SLC13A4: variants seen among roughly 807,000 people sequenced by gnomAD.
SLC13A4 encodes Na(+)/sulfate cotransporter SUT-1.
A neutral mutation model predicts 72.7 loss-of-function variants in SLC13A4; 28 were observed. The observed-to-expected ratio is 0.39, with a 90% CI of 0.29 to 0.53. SLC13A4 has a LOEUF of 0.53. Among genes scored for constraint, SLC13A4 ranks in the 20% least tolerant of loss-of-function variants. The pLI, the probability that SLC13A4 is intolerant of heterozygous loss-of-function variation, is 0.78. For synonymous variants in SLC13A4, 312 were observed against 325.5 expected, an observed-to-expected ratio of 0.96 and a Z score of 0.45; for missense variants, 653 against 788.0, an observed-to-expected ratio of 0.83 and a Z score of 2.05.
chr7:135,683,887 C>G, intron 15 of SLC13A4: 1 of 733,330 alleles, frequency 1.4e-6, no homozygotes, highest in Non-Finnish European at 1.7e-6. Context: ...CCAGCTTTCT[C>G]TACCTAGGTA....
rs148680605 is a variant in SLC13A4, at chr7:135,691,634, C to T, written c.1235G>A (p.Arg412His). 38 of 1,612,014 alleles carry T rather than the reference C, an allele frequency of 2.4e-5. No homozygotes were observed. The highest frequency in any genetic ancestry group is 1.8e-4 in the East Asian group (8 of 44,876). Residue 412 changes from arginine to histidine, a missense_variant, in exon 12 of 16, where the codon CGT (arginine) becomes CAT (histidine). Transcript: ENST00000682651. The part of the protein sequence containing the change: ...WDSFFEKKGY[R>H]TDATVSVFLG... ...GAAGACAGAGACTGTGGCATCAGTA[C>T]GGTAGCCTTTCCTAGTAAAGAGACA...
intron 7 of SLC13A4, among the ~76,000 whole-genome samples, chr7:135,699,791 G>A (rs1795989978): frequency 6.6e-6 from 1 of 152,192 alleles, no homozygotes; most frequent in South Asian, 2.1e-4. Flanking sequence ...AGTAATATAT[G>A]TAAAGCGCTT....
intron 1 of SLC13A4, among the ~76,000 whole-genome samples, chr7:135,725,176 A>C (rs996147604): frequency 1.3e-5 from 2 of 152,230 alleles, no homozygotes; most frequent in Non-Finnish European, 2.9e-5. Context: ...AAGTAAAGGA[A>C]AGAGTTCGAA....
rs575472505 is a variant in SLC13A4 at position 135,684,664 on chromosome 7, T to C, written c.1609-403A>G. ...TAAGGTGGTTTTTTTTTTTTTTTTTTCCTAGGGAAGATAATTGTTTTATAT... is the reference window on the plus strand; with the variant it reads ...TAAGGTGGTTTTTTTTTTTTTTTTTCCCTAGGGAAGATAATTGTTTTATAT... On this transcript the variant is annotated intron_variant, in intron 14 of 15. Coordinates refer to ENST00000682651, the MANE Select transcript of SLC13A4 (RefSeq NM_001318192.2). 4.3e-3 allele frequency among the ~76,000 whole-genome samples: 651 copies of C among 150,686 alleles called. 5 individuals carry two copies. Among genetic ancestry groups the C allele is most frequent in the African/African-American group, 0.013 (541 of 40,916 alleles).
At chr7:135,695,596 A>T in intron 8 of SLC13A4, 109 bp from the exon 9 acceptor site, 1 of 1,253,706 alleles carries the variant, frequency 8.0e-7, no homozygotes, top group South Asian at 1.5e-5. Context: ...CTAAGTGGGG[A>T]GATAATGATA....
intron 2 of SLC13A4, among the ~76,000 whole-genome samples, chr7:135,719,301 C>T (rs1471404845): frequency 6.6e-6 from 1 of 152,218 alleles, no homozygotes; most frequent in Non-Finnish European, 1.5e-5. Flanking sequence ...AACAGAGACA[C>T]TGTCTGCTTG....
intron 7 of SLC13A4, 73 bp downstream of exon 7, chr7:135,701,607 A>C: frequency 6.8e-7 from 1 of 1,463,588 alleles, no homozygotes. Flanking sequence ...TACGACTTCA[A>C]GACCAGTGCC....
At chr7:135,686,332 A>G (rs79339285) in intron 13 of SLC13A4, among the ~76,000 whole-genome samples, 5,339 of 152,134 alleles carry the variant, frequency 0.035, 110 homozygotes, top group Middle Eastern at 0.088. Flanking sequence ...TTTAGGTTCA[A>G]ATCTCATCAT....
chr7:135,727,188 T>A (rs1382622122), intron 1 of SLC13A4, among the ~76,000 whole-genome samples: 1 of 152,092 alleles, frequency 6.6e-6, no homozygotes, highest in African/African-American at 2.4e-5. Context: ...GGCCATGGGG[T>A]TGGGGGAATG....
In SLC13A4 at chr7:135,702,483, C is replaced by G. The variant is rs1424054171; in HGVS notation, c.633+362G>C. 7 of 223,632 alleles carry G rather than the reference C, an allele frequency of 3.1e-5. No individual in the cohort carries two copies. The South Asian group carries it at 3.4e-4, about 11-fold the overall frequency. The allele number at this position is 223,632 out of a possible 1,614,324, so 13.9% of individuals were successfully genotyped here. A position where few individuals can be genotyped will look rare whatever the true frequency, so the allele number is the denominator to read the frequency against. On this transcript the variant is annotated intron_variant, in intron 6 of 15. Transcript: ENST00000682651. Reference sequence around the variant, plus strand: ...CTCTGCCTCCCAGGTTCAAGTGATTCTCCAGCCTCAGCCTCCCAAGTAGTG... The same window carrying G: ...CTCTGCCTCCCAGGTTCAAGTGATTGTCCAGCCTCAGCCTCCCAAGTAGTG...
At chr7:135,685,828 C>T (rs1255395797) in intron 13 of SLC13A4, 145 bp from the exon 14 acceptor site, 10 of 706,868 alleles carry the variant, frequency 1.4e-5, no homozygotes, top group Admixed American at 2.7e-5. Context: ...CAGAGGTGTT[C>T]CTGATTTTTA....
At chr7:135,694,571 A>T (rs1195853306) in intron 9 of SLC13A4, among the ~76,000 whole-genome samples, 2 of 152,228 alleles carry the variant, frequency 1.3e-5, no homozygotes, top group Non-Finnish European at 2.9e-5. Flanking sequence ...TAATCAGTGT[A>T]ATGTGGTATA....
intron 2 of SLC13A4, among the ~76,000 whole-genome samples, chr7:135,712,722 C>T (rs1796330759): frequency 6.6e-6 from 1 of 152,166 alleles, no homozygotes; most frequent in South Asian, 2.1e-4. Context: ...AAATTCTGTT[C>T]AGTGGTGTTG....
At position 135,709,429 on chromosome 7, in the gene SLC13A4, A is replaced by ATTTTTTT. The variant is rs1563166250; in HGVS notation, c.229-1180_229-1179insAAAAAAA. 4.9e-3 allele frequency among the ~76,000 whole-genome samples: 444 copies of ATTTTTTT among 90,578 alleles called. 1 individual carries two copies. The highest frequency in any genetic ancestry group is 0.013 in the African/African-American group (281 of 21,326). 59.4% of individuals were successfully genotyped at this position (90,578 alleles called of 152,430 possible). ...TTCCTTTCTTTCTTTTTTTTTTAAA[A>ATTTTTTT]AAAAATTTGAGACAGGGTCTCACTC... On this transcript the variant is annotated intron_variant, in intron 2 of 15. Transcript: ENST00000682651.
chr7:135,684,235 G>A lies in SLC13A4; in HGVS notation c.1635C>T (p.Leu545=). The change falls in exon 15 of 16, where the codon CTC becomes CTT. Residue 545 remains leucine, a synonymous_variant. Coordinates refer to ENST00000682651, the MANE Select transcript of SLC13A4 (RefSeq NM_001318192.2). Reference sequence around the variant, plus strand: ...ACATGGTGACTGGGATCAGGGTGTAGAGGGGGTTAATGTGCAGCGTTTCAG... The same window carrying A: ...ACATGGTGACTGGGATCAGGGTGTAAAGGGGGTTAATGTGCAGCGTTTCAG... ...SLSETLHINP[L]YTLIPVTMCI... is the part of the protein sequence containing the mutation. The A allele has an allele frequency of 6.2e-7, 1 of 1,611,732 alleles. No homozygotes were observed.
intron 13 of SLC13A4, among the ~76,000 whole-genome samples, chr7:135,687,216 G>A (rs933932828): frequency 2.0e-5 from 3 of 151,810 alleles, no homozygotes; most frequent in South Asian, 2.1e-4. Flanking sequence ...TATGCATCCT[G>A]CCTCCCTTCC....
intron 7 of SLC13A4, among the ~76,000 whole-genome samples, chr7:135,700,967 T>C (rs934062471): frequency 1.3e-5 from 2 of 152,218 alleles, no homozygotes; most frequent in Admixed American, 1.3e-4. Context: ...TGGAAGTATA[T>C]TGATGGGTTA....
At position 135,695,503 on chromosome 7, in the gene SLC13A4, C is replaced by A. The variant is rs1366450387; in HGVS notation, c.900-16G>T. ...TGGATACTGGCTGGAGGGTAAAGAA[C>A]CAGGTCAGCAATTAGAAAGGGAGGG... On this transcript the variant is annotated splice_polypyrimidine_tract_variant and intron_variant, in intron 8 of 15. Transcript: ENST00000682651. 3 of 1,612,142 alleles carry A rather than the reference C, an allele frequency of 1.9e-6. No homozygotes were observed. In the African/African-American group the frequency reaches 4.0e-5, roughly 22 times the overall value.
chr7:135,712,268 T>A (rs901074381), intron 2 of SLC13A4, among the ~76,000 whole-genome samples: 3 of 151,796 alleles, frequency 2.0e-5, no homozygotes, highest in Non-Finnish European at 4.4e-5. Context: ...TCAGCTCTAT[T>A]CTCATGTCTT....
Sources: gnomAD v4.1 joint callset for allele counts (sites outside exome capture counted in the v4.1 genomes callset) on GRCh38, gnomAD v4.1.1 for gene constraint, MANE v1.5 for transcripts, NCBI Gene and HGNC (gene_info 2026-07-23, HGNC 2026-07-21) for gene names.